CDH7: variants seen among roughly 807,000 people sequenced by gnomAD.
The protein encoded by CDH7 is cadherin 7, also known as cadherin-7.
CDH7 carries 25 observed loss-of-function variants against 71.8 expected under a neutral mutation model. That is an observed-to-expected ratio of 0.35 (90% CI 0.25 to 0.49). The LOEUF is 0.49. CDH7 is among the 20% of genes least tolerant of loss of function. The pLI is 0.99. For missense variants in CDH7, 862 were observed against 974.6 expected (o/e 0.88, Z 1.54); for synonymous variants, 381 against 363.8 (o/e 1.05, Z -0.54).
In CDH7 at chr18:65,889,071, C is replaced by T. The variant is rs60116055; in HGVS notation, c.*8177C>T. 1.3e-5 allele frequency: 2 copies of T among 152,054 alleles called. No homozygotes were observed. Among genetic ancestry groups the T allele is most frequent in the Non-Finnish European group, 2.9e-5 (2 of 68,010 alleles). 9.4% of individuals were successfully genotyped at this position (152,054 alleles called of 1,614,324 possible). A position where few individuals can be genotyped will look rare whatever the true frequency, so the allele number is the denominator to read the frequency against. On this transcript the variant is annotated 3_prime_UTR_variant, in exon 12 of 12. Coordinates refer to ENST00000397968, the MANE Select transcript of CDH7 (RefSeq NM_004361.5). ...TATTTATATTGTCATTACGATGGCA[C>T]TTCACCAGTATGTCCTAATCTATTC...
At chr18:65,828,002 A>G (rs56239531) in intron 6 of CDH7, among the ~76,000 whole-genome samples, 26,991 of 151,560 alleles carry the variant, frequency 0.18, 2,858 homozygotes, top group Non-Finnish European at 0.25. Flanking sequence ...AGCAAACATT[A>G]CTTTTTTCTT....
At chr18:65,795,825 G>A (rs58324021) in intron 2 of CDH7, among the ~76,000 whole-genome samples, 11 of 152,040 alleles carry the variant, frequency 7.2e-5, no homozygotes, top group African/African-American at 2.7e-4. Context: ...GAGGGATCCA[G>A]TGGGAGGTAA....
At chr18:65,755,034 GTTACCATTAC>G (rs1469811782) in intron 1 of CDH7, among the ~76,000 whole-genome samples, 1 of 152,020 alleles carries the variant, frequency 6.6e-6, no homozygotes, top group Non-Finnish European at 1.5e-5. Flanking sequence ...GATAATGATG[GTTACCATTAC>G]CTACTTAGAA....
chr18:65,859,000 C>A lies in CDH7; in HGVS notation c.1448C>A (p.Ala483Asp). The change falls in exon 9 of 12, where the codon GCC becomes GAC. Residue 483 changes from alanine to aspartate, a missense_variant. Ala to Asp is a moderately radical substitution (Grantham distance 126, BLOSUM62 -2). Transcript: ENST00000397968. ...LDINDNAPEF[A>D]MDYETTVCEN... ...ATCAATGATAACGCCCCTGAATTTG[C>A]CATGGACTATGAGACCACCGTCTGT... is the stretch of plus-strand genomic sequence containing the variant. 1 of 1,613,230 alleles carries A rather than the reference C, an allele frequency of 6.2e-7. No homozygotes were observed. The highest frequency in any genetic ancestry group is 8.5e-7 in the Non-Finnish European group (1 of 1,179,296).
chr18:65,772,338 G>A (rs1011749345), intron 2 of CDH7, among the ~76,000 whole-genome samples: 14 of 152,102 alleles, frequency 9.2e-5, no homozygotes, highest in African/African-American at 3.4e-4. Flanking sequence ...ATAAAAATCG[G>A]CATTTTCTTT....
At chr18:65,859,234 A>T (rs1913474153) in intron 9 of CDH7, among the ~76,000 whole-genome samples, 188 bp downstream of exon 9, 1 of 152,210 alleles carries the variant, frequency 6.6e-6, no homozygotes, top group African/African-American at 2.4e-5. Context: ...AATTGGGGTG[A>T]TGAAAATTCC....
chr18:65,811,173 C>A, intron 3 of CDH7, among the ~76,000 whole-genome samples: 1 of 110,956 alleles, frequency 9.0e-6, no homozygotes. Context: ...GGTATTTTAA[C>A]CCATGTGATT....
intron 2 of CDH7, among the ~76,000 whole-genome samples, chr18:65,787,566 A>G (rs1464398237): frequency 6.6e-6 from 1 of 152,224 alleles, no homozygotes; most frequent in Admixed American, 6.5e-5. Flanking sequence ...GTCCAGACAG[A>G]AAAAGGACAA....
chr18:65,827,119 G>C (rs994992030), intron 6 of CDH7, among the ~76,000 whole-genome samples: 1 of 151,572 alleles, frequency 6.6e-6, no homozygotes, highest in Admixed American at 6.6e-5. Flanking sequence ...TGAGAAGTTA[G>C]CTAAATATTT....
Position 65,766,425 on chromosome 18 carries a change from A to G in CDH7, c.210+3373A>G, listed in dbSNP as rs191787516. On this transcript the variant is annotated intron_variant, in intron 2 of 11. Transcript: ENST00000397968. Reference sequence around the variant, plus strand: ...TTTACATATGATAACCAAAGACCAAAGTAGAACATTCTGTTGAAGGGGACC... The same window carrying G: ...TTTACATATGATAACCAAAGACCAAGGTAGAACATTCTGTTGAAGGGGACC... Among the ~76,000 whole-genome samples the G allele has an allele frequency of 3.3e-5, 5 of 152,244 alleles. No homozygotes were observed. The East Asian group carries it at 9.7e-4, about 30-fold the overall frequency.
chr18:65,835,407 C>G (rs1395788182), intron 6 of CDH7, among the ~76,000 whole-genome samples: 3 of 152,142 alleles, frequency 2.0e-5, no homozygotes, highest in Non-Finnish European at 2.9e-5. Flanking sequence ...CATGAAATGG[C>G]CAAGGAAATA....
chr18:65,790,175 C>T (rs1020564707), intron 2 of CDH7, among the ~76,000 whole-genome samples: 7 of 138,582 alleles, frequency 5.1e-5, no homozygotes, highest in South Asian at 2.3e-4. Flanking sequence ...GAGCCAAGAT[C>T]GCGCCACTGC....
At chr18:65,815,068 T>G (rs1009650838) in intron 4 of CDH7, among the ~76,000 whole-genome samples, 2 of 152,164 alleles carry the variant, frequency 1.3e-5, no homozygotes, top group African/African-American at 4.8e-5. Flanking sequence ...AGGGTGATGA[T>G]CTGCCAAATC....
rs1201583947 is a variant in CDH7 at position 65,781,766 on chromosome 18, CT to C, written c.210+18717del. ...TATTGGTTGATTTCTTTCTTTCTTT[CT>C]TTCCTTCCTTCCTTCCTTCCTTCCT... On this transcript the variant is annotated intron_variant, in intron 2 of 11. Coordinates refer to ENST00000397968, the MANE Select transcript of CDH7 (RefSeq NM_004361.5). Among the ~76,000 whole-genome samples, 135 of 42,816 alleles carry C rather than the reference CT, an allele frequency of 3.2e-3. 2 individuals carry two copies. Among genetic ancestry groups the C allele is most frequent in the African/African-American group, 0.029 (125 of 4,282 alleles). The allele number at this position is 42,816 out of a possible 152,430, so 28.1% of individuals were successfully genotyped here.
chr18:65,788,255 T>C (rs1046953465), intron 2 of CDH7, among the ~76,000 whole-genome samples: 5 of 152,172 alleles, frequency 3.3e-5, no homozygotes, highest in African/African-American at 4.8e-5. Flanking sequence ...ACCACTAAAA[T>C]TCATAGCAAA....
At chr18:65,783,532 A>G (rs578071548) in intron 2 of CDH7, among the ~76,000 whole-genome samples, 2 of 152,184 alleles carry the variant, frequency 1.3e-5, no homozygotes, top group African/African-American at 2.4e-5. Context: ...ACTTTAGATT[A>G]TGAATACCAC....
intron 4 of CDH7, among the ~76,000 whole-genome samples, chr18:65,816,169 A>G (rs2143922326): frequency 6.6e-6 from 1 of 152,264 alleles, no homozygotes; most frequent in South Asian, 2.1e-4. Flanking sequence ...GTGTGTTACA[A>G]GAGAAGAGGA....
intron 3 of CDH7, among the ~76,000 whole-genome samples, chr18:65,811,448 G>A (rs1274145124): frequency 6.6e-6 from 1 of 152,112 alleles, no homozygotes; most frequent in East Asian, 1.9e-4. Context: ...GAACCACAGT[G>A]GCATGATCTT....
chr18:65,807,030 A>G (rs1222742463), intron 2 of CDH7, among the ~76,000 whole-genome samples: 2 of 151,956 alleles, frequency 1.3e-5, no homozygotes, highest in Admixed American at 6.6e-5. Flanking sequence ...TAGTGATGGT[A>G]CCAGCTGGGA....
Sources: allele counts gnomAD v4.1 joint callset (sites outside exome capture counted in the v4.1 genomes callset), GRCh38; gene constraint gnomAD v4.1.1; transcripts MANE v1.5; gene names NCBI Gene and HGNC (gene_info 2026-07-23, HGNC 2026-07-21).